The following DYM variants were observed in gnomAD, a reference collection of about 807,000 sequenced individuals.
The protein encoded by DYM is dyggve-Melchior-Clausen syndrome protein.
In DYM, 78 loss-of-function variants were observed where a neutral mutation model predicts 93.1. That is an observed-to-expected ratio of 0.84 (90% CI 0.70 to 1.01). DYM has a LOEUF of 1.01. Ranked by LOEUF, DYM falls within the 50% of genes least tolerant of loss-of-function variation. The probability of loss-of-function intolerance (pLI) is 0.00; values close to 1 mark genes in which losing one functional copy is unlikely to be tolerated. For missense variants in DYM, 789 were observed against 845.0 expected, an observed-to-expected ratio of 0.93 and a Z score of 0.82; for synonymous variants, 321 against 319.7, an observed-to-expected ratio of 1.00 and a Z score of -0.04.
chr18:49,187,846 A>T (rs2090596776), intron 14 of DYM, among the ~76,000 whole-genome samples: 1 of 152,224 alleles, frequency 6.6e-6, no homozygotes, highest in Non-Finnish European at 1.5e-5. Context: ...ATGATAATAC[A>T]TATGGCTTCT....
chr18:49,220,358 C>A (rs2093296850), intron 13 of DYM, among the ~76,000 whole-genome samples: 1 of 148,818 alleles, frequency 6.7e-6, no homozygotes, highest in South Asian at 2.2e-4. Flanking sequence ...CAATGCCATC[C>A]CCATCAAGCT....
intron 15 of DYM, among the ~76,000 whole-genome samples, chr18:49,122,129 T>C (rs2082432111): frequency 6.6e-6 from 1 of 152,210 alleles, no homozygotes; most frequent in African/African-American, 2.4e-5. Flanking sequence ...TCTAGTTTCC[T>C]TGTTTCTATG....
At chr18:49,273,347 C>G (rs1351526990) in intron 10 of DYM, among the ~76,000 whole-genome samples, 3 of 152,164 alleles carry the variant, frequency 2.0e-5, no homozygotes, top group Non-Finnish European at 4.4e-5. Flanking sequence ...TTCGGAGTTC[C>G]TTCTGACATT....
intron 14 of DYM, among the ~76,000 whole-genome samples, chr18:49,200,123 G>T (rs1362481942): frequency 6.6e-6 from 1 of 152,002 alleles, no homozygotes. Flanking sequence ...TAATAAAGTG[G>T]CATTGCATTA....
intron 1 of DYM, among the ~76,000 whole-genome samples, chr18:49,430,917 C>T (rs1320744590): frequency 6.6e-6 from 1 of 151,944 alleles, no homozygotes; most frequent in Non-Finnish European, 1.5e-5. Flanking sequence ...GGAGCTAACA[C>T]CTGTCTTAGC....
At chr18:49,111,644 A>C (rs1453233720) in intron 16 of DYM, among the ~76,000 whole-genome samples, 3 of 152,120 alleles carry the variant, frequency 2.0e-5, no homozygotes, top group Non-Finnish European at 4.4e-5. Flanking sequence ...CTGGGATCTG[A>C]AGTGCCACAG....
chr18:49,248,570 A>G (rs1407294472), intron 13 of DYM, among the ~76,000 whole-genome samples: 1 of 152,142 alleles, frequency 6.6e-6, no homozygotes, highest in Non-Finnish European at 1.5e-5. Context: ...TCCTTCCCTA[A>G]AGAAATAATT....
chr18:49,208,970 C>T (rs1054485408), intron 14 of DYM, among the ~76,000 whole-genome samples: 1 of 152,148 alleles, frequency 6.6e-6, no homozygotes, highest in Non-Finnish European at 1.5e-5. Flanking sequence ...CTCCACTGAC[C>T]CCCATTATGT....
At chr18:49,452,221 T>TC (rs1232077427) in intron 1 of DYM, among the ~76,000 whole-genome samples, 4 of 152,090 alleles carry the variant, frequency 2.6e-5, no homozygotes, top group Non-Finnish European at 5.9e-5. Flanking sequence ...CTCGCTGGCT[T>TC]AGGAGTGAAG....
intron 3 of DYM, chr18:49,390,672 A>G (rs2069139561): frequency 6.6e-6 from 1 of 151,990 alleles, no homozygotes. Context: ...ATGCCTTGCT[A>G]ATTTTTGGAT....
chr18:49,201,805 G>C (rs1249050166), intron 14 of DYM, among the ~76,000 whole-genome samples: 2 of 152,136 alleles, frequency 1.3e-5, no homozygotes, highest in Non-Finnish European at 2.9e-5. Flanking sequence ...GACTACTTCA[G>C]ATTCTCCTGT....
intron 15 of DYM, among the ~76,000 whole-genome samples, chr18:49,138,665 A>G (rs2084111050): frequency 6.6e-6 from 1 of 151,926 alleles, no homozygotes; most frequent in Non-Finnish European, 1.5e-5. Context: ...TGTGTCATTT[A>G]TTTAACAAAT....
chr18:49,264,605 C>T (rs1002997430), intron 11 of DYM, among the ~76,000 whole-genome samples: 5 of 152,084 alleles, frequency 3.3e-5, no homozygotes, highest in African/African-American at 4.8e-5. Context: ...TCGGGTTGAA[C>T]GATGATTACT....
chr18:49,232,669 C>T (rs1328627390), intron 13 of DYM, among the ~76,000 whole-genome samples: 3 of 134,598 alleles, frequency 2.2e-5, no homozygotes, highest in Non-Finnish European at 4.6e-5. Flanking sequence ...AGTGCAGTGG[C>T]GAGATCTCGG....
At chr18:49,453,381 T>C (rs1421080173) in intron 1 of DYM, among the ~76,000 whole-genome samples, 1 of 152,208 alleles carries the variant, frequency 6.6e-6, no homozygotes, top group East Asian at 1.9e-4. Context: ...TTTCGCTCTT[T>C]GCAATAAATC....
rs1399803884 is a variant in DYM at position 49,441,309 on chromosome 18, T to TA, written c.-53-10863_-53-10862insT. Among the ~76,000 whole-genome samples the TA allele has an allele frequency of 5.5e-3, 170 of 30,722 alleles. 3 individuals are homozygous for TA. The highest frequency in any genetic ancestry group is 0.016 in the African/African-American group (87 of 5,408). The allele number at this position is 30,722 out of a possible 152,430, so 20.2% of individuals were successfully genotyped here. A position where few individuals can be genotyped will look rare whatever the true frequency, so the allele number is the denominator to read the frequency against. On this transcript the variant is annotated intron_variant, in intron 1 of 17. Transcript: ENST00000675505. Reference sequence around the variant, plus strand: ...TTATATATAATATAATTATATATAATTAATATATAATTATATATAATATAA... The same window carrying TA: ...TTATATATAATATAATTATATATAATATAATATATAATTATATATAATATAA...
chr18:49,324,828 T>A (rs1190901509), intron 8 of DYM, among the ~76,000 whole-genome samples: 2 of 152,240 alleles, frequency 1.3e-5, no homozygotes, highest in Non-Finnish European at 2.9e-5. Context: ...AGATGTTGTA[T>A]AATTTTCTAT....
chr18:49,432,094 CG>C (rs1244796857), intron 1 of DYM, among the ~76,000 whole-genome samples: 1 of 152,016 alleles, frequency 6.6e-6, no homozygotes, highest in African/African-American at 2.4e-5. Flanking sequence ...TCCTGAAGGC[CG>C]GGCGCTGTGG....
At chr18:49,083,372 T>C (rs1206252067) in intron 17 of DYM, among the ~76,000 whole-genome samples, 2 of 152,262 alleles carry the variant, frequency 1.3e-5, no homozygotes, top group Non-Finnish European at 2.9e-5. Context: ...GGTTATGGTG[T>C]ACAATCCTTT....
Sources: allele counts gnomAD v4.1 joint callset (sites outside exome capture counted in the v4.1 genomes callset), GRCh38; gene constraint gnomAD v4.1.1; transcripts MANE v1.5; gene names NCBI Gene and HGNC (gene_info 2026-07-23, HGNC 2026-07-21).